The following ARHGAP15 variants were observed in gnomAD, a reference collection of about 807,000 sequenced individuals.
ARHGAP15 encodes the protein Rho GTPase activating protein 15.
In ARHGAP15, 51 loss-of-function variants were observed where a neutral mutation model predicts 63.7. The ratio of observed to expected loss-of-function variants is 0.80; its 90% CI spans 0.64 to 1.01. The LOEUF is 1.01. ARHGAP15 is among the 50% of genes least tolerant of loss of function. ARHGAP15 has a pLI of 0.00. For synonymous variants in ARHGAP15, 191 were observed against 193.8 expected (o/e 0.99, Z 0.12); for missense variants, 560 against 564.6 (o/e 0.99, Z 0.08).
intron 10 of ARHGAP15, among the ~76,000 whole-genome samples, chr2:143,527,330 C>G (rs1439506250): frequency 1.3e-5 from 2 of 151,962 alleles, no homozygotes. Context: ...TTAGAGATTC[C>G]TCTAAATTCT....
intron 3 of ARHGAP15, among the ~76,000 whole-genome samples, chr2:143,213,095 T>A (rs1013948179): frequency 6.6e-6 from 1 of 152,168 alleles, no homozygotes; most frequent in Non-Finnish European, 1.5e-5. Flanking sequence ...CTCAAGAGGA[T>A]TACAATTGTC....
At chr2:143,563,440 C>T (rs1696105325) in intron 11 of ARHGAP15, among the ~76,000 whole-genome samples, 1 of 152,118 alleles carries the variant, frequency 6.6e-6, no homozygotes, top group Admixed American at 6.5e-5. Flanking sequence ...CATTACTAGC[C>T]AAATTCATAG....
intron 2 of ARHGAP15, among the ~76,000 whole-genome samples, chr2:143,174,143 T>A (rs1353880179): frequency 6.6e-6 from 1 of 152,148 alleles, no homozygotes; most frequent in Non-Finnish European, 1.5e-5. Context: ...TCTCCGTTTG[T>A]ACCTGGTGGA....
intron 9 of ARHGAP15, among the ~76,000 whole-genome samples, chr2:143,493,480 ATAATCACGCTTT>A (rs1433168487): frequency 8.5e-5 from 13 of 152,220 alleles, no homozygotes; most frequent in Admixed American, 2.6e-4. Context: ...TCATTTGCTT[ATAATCACGCTTT>A]TAGTCTGATT....
chr2:143,608,371 G>A (rs1449376639), intron 11 of ARHGAP15: 1 of 152,106 alleles, frequency 6.6e-6, no homozygotes, highest in Non-Finnish European at 1.5e-5. Flanking sequence ...TTTTTCCTGT[G>A]AGATTAATAT....
At chr2:143,214,744 T>C (rs1692684369) in intron 3 of ARHGAP15, among the ~76,000 whole-genome samples, 1 of 152,232 alleles carries the variant, frequency 6.6e-6, no homozygotes, top group Admixed American at 6.5e-5. Context: ...GTCAAAAATG[T>C]ATTCATCAAA....
chr2:143,627,563 T>C lies in ARHGAP15; in HGVS notation c.1138+3296T>C, dbSNP rs370205003. On this transcript the variant is annotated intron_variant, in intron 12 of 13. Transcript: ENST00000295095. The stretch of plus-strand genomic sequence containing the variant: ...AAATTTTAAGAACATTTATACCCCG[T>C]CACAGGGCTTTATCATAGCTTACAT... Among the ~76,000 whole-genome samples the C allele has an allele frequency of 6.6e-5, 10 of 152,172 alleles. No homozygotes were observed. The East Asian group carries it at 1.3e-3, about 21-fold the overall frequency.
intron 9 of ARHGAP15, among the ~76,000 whole-genome samples, chr2:143,514,587 C>T (rs183493563): frequency 2.2e-4 from 34 of 152,292 alleles, no homozygotes; most frequent in South Asian, 1.7e-3. Flanking sequence ...AAAACCTGGA[C>T]TCATCACCAC....
At chr2:143,416,983 G>A (rs929770851) in intron 6 of ARHGAP15, among the ~76,000 whole-genome samples, 11 of 152,002 alleles carry the variant, frequency 7.2e-5, no homozygotes, top group East Asian at 3.9e-4. Context: ...TCTGGCAGGC[G>A]TTTTCACTCT....
At chr2:143,306,560 G>A (rs746147060) in intron 6 of ARHGAP15, among the ~76,000 whole-genome samples, 1 of 152,090 alleles carries the variant, frequency 6.6e-6, no homozygotes, top group Non-Finnish European at 1.5e-5. Flanking sequence ...ACAGTGCCTG[G>A]CAAACAAACA....
intron 6 of ARHGAP15, among the ~76,000 whole-genome samples, chr2:143,321,130 G>A (rs1683999930): frequency 6.6e-6 from 1 of 152,140 alleles, no homozygotes; most frequent in Non-Finnish European, 1.5e-5. Context: ...CATTTTCACA[G>A]GGGAAGAGCA....
At chr2:143,187,322 C>G (rs1400191172) in intron 2 of ARHGAP15, among the ~76,000 whole-genome samples, 2 of 152,130 alleles carry the variant, frequency 1.3e-5, no homozygotes, top group Non-Finnish European at 2.9e-5. Context: ...CTCCTTTAAC[C>G]CCGACTATGT....
chr2:143,739,337 A>C (rs1220756745), intron 13 of ARHGAP15, among the ~76,000 whole-genome samples: 1 of 152,122 alleles, frequency 6.6e-6, no homozygotes, highest in Non-Finnish European at 1.5e-5. Context: ...AGTAAAACCG[A>C]GAATCAATAT....
chr2:143,576,637 T>G (rs1161000008), intron 11 of ARHGAP15, among the ~76,000 whole-genome samples: 2 of 152,100 alleles, frequency 1.3e-5, no homozygotes, highest in Non-Finnish European at 2.9e-5. Context: ...CTAGCATACC[T>G]TTAATGGAAT....
At chr2:143,132,266 A>G (rs1688943547) in intron 1 of ARHGAP15, among the ~76,000 whole-genome samples, 1 of 152,248 alleles carries the variant, frequency 6.6e-6, no homozygotes. Context: ...AATGAGTTCA[A>G]ACTAGCCTAG....
intron 12 of ARHGAP15, among the ~76,000 whole-genome samples, chr2:143,636,217 G>A (rs919059609): frequency 1.3e-5 from 2 of 152,118 alleles, no homozygotes; most frequent in Admixed American, 1.3e-4. Flanking sequence ...CTTACAAAGA[G>A]ATGAAAGCAA....
At chr2:143,302,754 C>T (rs1186420009) in intron 6 of ARHGAP15, among the ~76,000 whole-genome samples, 1 of 151,920 alleles carries the variant, frequency 6.6e-6, no homozygotes, top group African/African-American at 2.4e-5. Context: ...AGTCCTGCCT[C>T]ACAAAATGAT....
chr2:143,411,812 A>G (rs1465114788), intron 6 of ARHGAP15, among the ~76,000 whole-genome samples: 2 of 152,230 alleles, frequency 1.3e-5, no homozygotes, highest in South Asian at 2.1e-4. Context: ...AAAAATCGAG[A>G]AAGTAATAGC....
At chr2:143,477,928 G>A (rs1356388582) in intron 8 of ARHGAP15, among the ~76,000 whole-genome samples, 2 of 152,210 alleles carry the variant, frequency 1.3e-5, no homozygotes, top group Non-Finnish European at 2.9e-5. Flanking sequence ...GAACTAAGGA[G>A]TTTGCAGAAG....
Sources: allele counts gnomAD v4.1 joint callset (sites outside exome capture counted in the v4.1 genomes callset), GRCh38; gene constraint gnomAD v4.1.1; transcripts MANE v1.5; gene names NCBI Gene and HGNC (gene_info 2026-07-23, HGNC 2026-07-21).